CNTN4: variants seen among roughly 807,000 people sequenced by gnomAD.
The protein encoded by CNTN4 is contactin 4.
In CNTN4, 77 loss-of-function variants were observed where a neutral mutation model predicts 122.5. The ratio of observed to expected loss-of-function variants is 0.63; its 90% CI spans 0.52 to 0.76. The LOEUF is 0.76. Ranked by LOEUF, CNTN4 falls within the 30% of genes least tolerant of loss-of-function variation. The pLI is 0.00. For synonymous variants in CNTN4, 512 were observed against 447.0 expected, an observed-to-expected ratio of 1.15 and a Z score of -1.83; for missense variants, 1,256 against 1,259.1, an observed-to-expected ratio of 1.00 and a Z score of 0.04.
chr3:2,573,630 C>G (rs1377799722), intron 4 of CNTN4, among the ~76,000 whole-genome samples: 1 of 152,098 alleles, frequency 6.6e-6, no homozygotes, highest in African/African-American at 2.4e-5. Flanking sequence ...GGTTAAAAAT[C>G]AAGAAAGCCA....
chr3:2,314,816 CAT>C (rs2043038090), intron 2 of CNTN4, among the ~76,000 whole-genome samples: 3 of 151,804 alleles, frequency 2.0e-5, no homozygotes, highest in Non-Finnish European at 2.9e-5. Context: ...AAGCAAATGA[CAT>C]ATCAATTAAG....
intron 2 of CNTN4, among the ~76,000 whole-genome samples, chr3:2,147,203 G>A (rs2035287611): frequency 6.6e-6 from 1 of 152,026 alleles, no homozygotes; most frequent in Non-Finnish European, 1.5e-5. Context: ...TATAGAAAAT[G>A]TCGAACTGTT....
rs1010922857 is a variant in CNTN4, at chr3:3,006,025, A to G, written c.1486+17553A>G. On this transcript the variant is annotated intron_variant, in intron 14 of 24. Coordinates refer to ENST00000418658, the MANE Select transcript of CNTN4 (RefSeq NM_175607.3). ...CTCAGCCTCCCAAGTAGCTGGGACT[A>G]CAGGCGCCCACCCCCACGCTCGGCT... Among the ~76,000 whole-genome samples the G allele has an allele frequency of 7.3e-5, 11 of 151,708 alleles. No homozygotes were observed. The East Asian group carries it at 9.7e-4, about 13-fold the overall frequency.
intron 13 of CNTN4, among the ~76,000 whole-genome samples, chr3:2,971,603 G>T (rs938905123): frequency 1.3e-5 from 2 of 152,124 alleles, no homozygotes; most frequent in African/African-American, 4.8e-5. Flanking sequence ...ATACATTAAA[G>T]TATATTGTTT....
chr3:2,588,105 G>A (rs1197536553), intron 4 of CNTN4, among the ~76,000 whole-genome samples: 1 of 151,624 alleles, frequency 6.6e-6, no homozygotes, highest in Non-Finnish European at 1.5e-5. Flanking sequence ...CTTTATCACA[G>A]CAGTATCACT....
chr3:2,837,426 C>T (rs2093252678), intron 7 of CNTN4, among the ~76,000 whole-genome samples: 1 of 152,164 alleles, frequency 6.6e-6, no homozygotes, highest in Admixed American at 6.5e-5. Context: ...CAGTAATCCG[C>T]TTTGCTCCTG....
intron 3 of CNTN4, among the ~76,000 whole-genome samples, chr3:2,344,123 C>G (rs2044309664): frequency 6.6e-6 from 1 of 152,146 alleles, no homozygotes; most frequent in Non-Finnish European, 1.5e-5. Flanking sequence ...CACCTCCCAT[C>G]TAGGGGTCAG....
chr3:2,982,307 G>A (rs750051940), intron 13 of CNTN4, among the ~76,000 whole-genome samples: 3 of 152,020 alleles, frequency 2.0e-5, no homozygotes, highest in South Asian at 2.1e-4. Context: ...TACTACCACC[G>A]TCACCTGAAC....
chr3:2,605,069 T>G (rs2081200532), intron 4 of CNTN4, among the ~76,000 whole-genome samples: 1 of 152,160 alleles, frequency 6.6e-6, no homozygotes, highest in Non-Finnish European at 1.5e-5. Flanking sequence ...TTCAGTAGTG[T>G]CATCATAGTT....
chr3:2,572,820 G>T (rs945062418), intron 4 of CNTN4, among the ~76,000 whole-genome samples: 26 of 152,108 alleles, frequency 1.7e-4, no homozygotes, highest in African/African-American at 6.3e-4. Flanking sequence ...ACTGAGTGCT[G>T]TAACTTCTGA....
At chr3:2,811,634 G>A (rs1193122758) in intron 6 of CNTN4, among the ~76,000 whole-genome samples, 4 of 149,448 alleles carry the variant, frequency 2.7e-5, no homozygotes, top group East Asian at 2.0e-4. Context: ...CCTTACTTTC[G>A]ACTGCCAACA....
intron 5 of CNTN4, among the ~76,000 whole-genome samples, chr3:2,741,630 G>A (rs1412624828): frequency 6.6e-6 from 1 of 152,206 alleles, no homozygotes; most frequent in Non-Finnish European, 1.5e-5. Flanking sequence ...TAAATACTTT[G>A]TGTAGTAAAG....
chr3:2,649,750 T>C (rs1019062328), intron 4 of CNTN4, among the ~76,000 whole-genome samples: 4 of 152,066 alleles, frequency 2.6e-5, no homozygotes, highest in African/African-American at 7.2e-5. Flanking sequence ...AGGTTATAGC[T>C]GCCATACATA....
intron 3 of CNTN4, among the ~76,000 whole-genome samples, chr3:2,367,123 A>G (rs2045410954): frequency 6.6e-6 from 1 of 152,064 alleles, no homozygotes; most frequent in South Asian, 2.1e-4. Context: ...CAGAAATGGT[A>G]TATAATAAAA....
intron 7 of CNTN4, among the ~76,000 whole-genome samples, chr3:2,835,646 A>G (rs1013955752): frequency 2.6e-5 from 4 of 152,186 alleles, no homozygotes; most frequent in African/African-American, 9.6e-5. Flanking sequence ...CAAATTTCAA[A>G]TCACATTTCT....
At chr3:2,804,248 G>A (rs2092414146) in intron 6 of CNTN4, among the ~76,000 whole-genome samples, 1 of 152,096 alleles carries the variant, frequency 6.6e-6, no homozygotes, top group South Asian at 2.1e-4. Flanking sequence ...GTGCACTTTA[G>A]TATTCTTGTA....
chr3:2,102,868 A>G (rs1191866003), intron 2 of CNTN4, among the ~76,000 whole-genome samples: 1 of 151,848 alleles, frequency 6.6e-6, no homozygotes, highest in Non-Finnish European at 1.5e-5. Context: ...ACTATATGTG[A>G]TATTTCTTCC....
intron 2 of CNTN4, among the ~76,000 whole-genome samples, chr3:2,177,793 G>C (rs2036823234): frequency 6.6e-6 from 1 of 151,846 alleles, no homozygotes; most frequent in African/African-American, 2.4e-5. Context: ...AAGCTGAATT[G>C]ATTATAGATG....
At chr3:2,197,762 T>A (rs77548798) in intron 2 of CNTN4, among the ~76,000 whole-genome samples, 17,924 of 152,128 alleles carry the variant, frequency 0.12, 1,238 homozygotes, top group East Asian at 0.25. Context: ...ATGCCTGTAA[T>A]AACAGCACTT....
Sources: gnomAD v4.1 joint callset for allele counts (sites outside exome capture counted in the v4.1 genomes callset) on GRCh38, gnomAD v4.1.1 for gene constraint, MANE v1.5 for transcripts, NCBI Gene and HGNC (gene_info 2026-07-23, HGNC 2026-07-21) for gene names.